Variants in HERC4 observed in about 807,000 individuals in gnomAD.
The protein encoded by HERC4 is probable E3 ubiquitin-protein ligase HERC4.
Under a neutral mutation model 124.3 loss-of-function variants are expected in HERC4, and 28 were observed. The observed-to-expected ratio is 0.23, with a 90% CI of 0.17 to 0.31. The LOEUF (loss-of-function observed/expected upper bound fraction) is 0.31. Ranked by LOEUF, HERC4 falls within the 10% of genes least tolerant of loss-of-function variation. The pLI is 1.00. For missense variants in HERC4, 713 were observed against 1,229.3 expected (o/e 0.58, Z 6.28); for synonymous variants, 407 against 421.5 (o/e 0.97, Z 0.42).
chr10:67,996,043 T>C (rs1051939214), intron 9 of HERC4: 8 of 386,766 alleles, frequency 2.1e-5, no homozygotes, highest in African/African-American at 1.5e-4. Flanking sequence ...CAGTAGCTCA[T>C]ACCTGTAATC....
intron 7 of HERC4, among the ~76,000 whole-genome samples, chr10:68,028,299 A>G (rs1247136972): frequency 6.6e-6 from 1 of 151,148 alleles, no homozygotes; most frequent in Non-Finnish European, 1.5e-5. Context: ...GGTAAGCAAT[A>G]AGTTTTGCTT....
At position 67,968,095 on chromosome 10, in the gene HERC4, A is replaced by G. The variant is rs533600730; in HGVS notation, c.1807-1293T>C. Among the ~76,000 whole-genome samples, 3 of 152,304 alleles carry G rather than the reference A, an allele frequency of 2.0e-5. No homozygotes were observed. The East Asian group carries it at 5.8e-4, about 29-fold the overall frequency. Reference sequence around the variant, plus strand: ...AGATCCACCAAAAGTAGGCAGAAACAGGAATGGACACAAGTAGAGGATAGA... The same window carrying G: ...AGATCCACCAAAAGTAGGCAGAAACGGGAATGGACACAAGTAGAGGATAGA... On this transcript the variant is annotated intron_variant, in intron 15 of 24. Coordinates refer to ENST00000373700, the MANE Select transcript of HERC4 (RefSeq NM_015601.4).
intron 19 of HERC4, among the ~76,000 whole-genome samples, chr10:67,942,251 T>C (rs147748456): frequency 1.8e-4 from 27 of 152,312 alleles, no homozygotes; most frequent in African/African-American, 6.3e-4. Flanking sequence ...TCTCATATGG[T>C]TGTTGTGAGG....
chr10:68,039,616 A>G lies in HERC4; in HGVS notation c.387-1447T>C, dbSNP rs1259411626. On this transcript the variant is annotated intron_variant, in intron 4 of 24. Transcript: ENST00000373700. ...AAAACCTGAGAGCTGTACTGCTACAATTTAGCAGAATCCAACAAATTAGCA... is the reference window on the plus strand; with the variant it reads ...AAAACCTGAGAGCTGTACTGCTACAGTTTAGCAGAATCCAACAAATTAGCA... The G allele has an allele frequency of 3.6e-6, 5 of 1,394,642 alleles. No homozygotes were observed. The East Asian group carries it at 7.7e-5, about 21-fold the overall frequency. 86.4% of individuals were successfully genotyped at this position (1,394,642 alleles called of 1,614,324 possible).
At chr10:67,979,040 A>C (rs1000369532) in intron 15 of HERC4, among the ~76,000 whole-genome samples, 3 of 152,158 alleles carry the variant, frequency 2.0e-5, no homozygotes, top group Admixed American at 6.5e-5. Flanking sequence ...GAAGACTACA[A>C]TAAATACGTA....
chr10:67,988,430 C>A (rs2036378948), intron 15 of HERC4, among the ~76,000 whole-genome samples: 1 of 152,036 alleles, frequency 6.6e-6, no homozygotes, highest in African/African-American at 2.4e-5. Flanking sequence ...TATTGTTCTG[C>A]CCAACTATGG....
intron 15 of HERC4, among the ~76,000 whole-genome samples, chr10:67,977,731 C>T (rs756644599): frequency 4.6e-5 from 7 of 152,142 alleles, no homozygotes; most frequent in Non-Finnish European, 8.8e-5. Flanking sequence ...CCTCTAATCC[C>T]AGCACTTTGG....
intron 8 of HERC4, among the ~76,000 whole-genome samples, chr10:68,024,183 A>G (rs908639330): frequency 1.3e-5 from 2 of 152,174 alleles, no homozygotes; most frequent in Admixed American, 1.3e-4. Context: ...TAAACATATG[A>G]AAAGGTACTC....
chr10:68,025,202 G>A (rs776588144), intron 8 of HERC4, among the ~76,000 whole-genome samples: 1 of 151,768 alleles, frequency 6.6e-6, no homozygotes, highest in Non-Finnish European at 1.5e-5. Flanking sequence ...CAGACTGGGT[G>A]ACAGAGCAAG....
chr10:68,003,132 C>CTTA (rs932154358), intron 9 of HERC4, among the ~76,000 whole-genome samples: 8 of 151,492 alleles, frequency 5.3e-5, no homozygotes, highest in African/African-American at 1.9e-4. Flanking sequence ...AATACTAGAC[C>CTTA]TTATTCATTC....
intron 3 of HERC4, among the ~76,000 whole-genome samples, chr10:68,059,146 A>C: frequency 6.6e-6 from 1 of 152,002 alleles, no homozygotes. Context: ...AAAAGTTAAT[A>C]CGTATTACTG....
chr10:67,973,223 AG>A (rs2035359088), intron 15 of HERC4, among the ~76,000 whole-genome samples: 1 of 152,180 alleles, frequency 6.6e-6, no homozygotes, highest in Admixed American at 6.5e-5. Context: ...GGTTTGAAGG[AG>A]AACATTCTAG....
intron 19 of HERC4, among the ~76,000 whole-genome samples, chr10:67,944,651 A>T (rs190892536): frequency 1.1e-3 from 168 of 152,350 alleles, no homozygotes; most frequent in Non-Finnish European, 1.8e-3. Context: ...GAGATATATG[A>T]CCTTTCAGTC....
rs2039336990 is a variant in HERC4, at chr10:68,033,961, C to T, written c.685+4G>A. The T allele has an allele frequency of 1.2e-6, 2 of 1,610,406 alleles. No homozygotes were observed. Among genetic ancestry groups the T allele is most frequent in the Non-Finnish European group, 1.7e-6 (2 of 1,176,724 alleles). On this transcript the variant is annotated splice_donor_region_variant and intron_variant, in intron 6 of 24. Coordinates refer to ENST00000373700, the MANE Select transcript of HERC4 (RefSeq NM_015601.4). Reference sequence around the variant, plus strand: ...CACTTAAACTATACATAATGAGAACCTACCATTTTCATCATTAAGACCTAG... The same window carrying T: ...CACTTAAACTATACATAATGAGAACTTACCATTTTCATCATTAAGACCTAG...
chr10:67,957,958 T>C (rs2034256917), intron 16 of HERC4, among the ~76,000 whole-genome samples: 1 of 151,962 alleles, frequency 6.6e-6, no homozygotes, highest in Non-Finnish European at 1.5e-5. Context: ...CAGGTGCCTG[T>C]CACCACACCC....
intron 3 of HERC4, among the ~76,000 whole-genome samples, chr10:68,066,422 CTCACTTCTAA>C (rs2041306326): frequency 1.3e-5 from 2 of 152,188 alleles, no homozygotes; most frequent in Admixed American, 1.3e-4. Flanking sequence ...AAGTATGTGG[CTCACTTCTAA>C]TCATGTAAAA....
At chr10:67,924,550 C>T (rs1476788590) in intron 24 of HERC4, among the ~76,000 whole-genome samples, 1 of 152,190 alleles carries the variant, frequency 6.6e-6, no homozygotes, top group African/African-American at 2.4e-5. Flanking sequence ...GTATTATAAT[C>T]TTACAGGACC....
At chr10:68,052,890 CA>C (rs2040384701) in intron 3 of HERC4, among the ~76,000 whole-genome samples, 1 of 151,966 alleles carries the variant, frequency 6.6e-6, no homozygotes, top group Non-Finnish European at 1.5e-5. Flanking sequence ...ACGAAAGCTA[CA>C]AAAAGAGAAA....
intron 3 of HERC4, among the ~76,000 whole-genome samples, chr10:68,062,550 G>A (rs912851094): frequency 6.6e-6 from 1 of 151,646 alleles, no homozygotes; most frequent in Non-Finnish European, 1.5e-5. Context: ...TCAGGAGTTC[G>A]AGACCAGTAT....
Sources: allele counts gnomAD v4.1 joint callset (sites outside exome capture counted in the v4.1 genomes callset), GRCh38; gene constraint gnomAD v4.1.1; transcripts MANE v1.5; gene names NCBI Gene and HGNC (gene_info 2026-07-23, HGNC 2026-07-21).